The following GPC6 variants were observed in gnomAD, a reference collection of about 807,000 sequenced individuals.
The protein encoded by GPC6 is glypican-6.
GPC6 carries 14 observed loss-of-function variants against 55.2 expected under a neutral mutation model. The ratio of observed to expected loss-of-function variants is 0.25; its 90% confidence interval spans 0.17 to 0.40. GPC6 has a LOEUF of 0.40. Ranked by LOEUF, GPC6 falls within the 10% of genes least tolerant of loss-of-function variation. The pLI, the probability that GPC6 is intolerant of heterozygous loss-of-function variation, is 1.00. For synonymous variants in GPC6, 278 were observed against 259.6 expected (o/e 1.07, Z -0.68); for missense variants, 641 against 708.5 (o/e 0.90, Z 1.08).
intron 3 of GPC6, among the ~76,000 whole-genome samples, chr13:93,881,543 A>T (rs1163419784): frequency 4.6e-5 from 7 of 152,006 alleles, no homozygotes; most frequent in Non-Finnish European, 8.8e-5. Context: ...CTGGACAATG[A>T]TTACTTGGAG....
upstream of GPC6, among the ~76,000 whole-genome samples, chr13:93,223,160 A>G (rs1320285200): frequency 2.6e-5 from 4 of 151,404 alleles, no homozygotes; most frequent in Non-Finnish European, 5.9e-5. Flanking sequence ...TGACATAATC[A>G]GTCTTAGAGA....
chr13:93,582,678 A>T (rs550296218), intron 2 of GPC6, among the ~76,000 whole-genome samples: 1 of 152,300 alleles, frequency 6.6e-6, no homozygotes, highest in African/African-American at 2.4e-5. Flanking sequence ...TGGATTGAGA[A>T]TGCTGGTATT....
intron 4 of GPC6, among the ~76,000 whole-genome samples, chr13:94,147,186 C>T (rs1247449832): frequency 6.6e-6 from 1 of 152,016 alleles, no homozygotes; most frequent in African/African-American, 2.4e-5. Flanking sequence ...ATAATTTCCC[C>T]CTCTTAGCCT....
At chr13:93,571,937 A>G (rs1397938110) in intron 2 of GPC6, among the ~76,000 whole-genome samples, 6 of 151,674 alleles carry the variant, frequency 4.0e-5, no homozygotes, top group African/African-American at 1.2e-4. Flanking sequence ...AAATGATTTC[A>G]TATTTTAAAA....
intron 4 of GPC6, among the ~76,000 whole-genome samples, chr13:94,050,634 G>T (rs1228244933): frequency 2.0e-5 from 3 of 152,160 alleles, no homozygotes; most frequent in Non-Finnish European, 4.4e-5. Context: ...ACTTCTGGGT[G>T]ACCTCCTGGC....
At chr13:93,886,311 G>A (rs1419940573) in intron 3 of GPC6, among the ~76,000 whole-genome samples, 1 of 151,972 alleles carries the variant, frequency 6.6e-6, no homozygotes, top group Non-Finnish European at 1.5e-5. Context: ...TAGGATACTA[G>A]GAACTTAGAA....
In GPC6 at chr13:93,731,585, A is replaced by T. The variant is rs563342701; in HGVS notation, c.320-98569A>T. 3.3e-5 allele frequency among the ~76,000 whole-genome samples: 5 copies of T among 152,296 alleles called. No homozygotes were observed. In the South Asian group the frequency reaches 8.3e-4, roughly 25 times the overall value. On this transcript the variant is annotated intron_variant, in intron 2 of 8. Transcript: ENST00000377047. Reference sequence around the variant, plus strand: ...TATATCAAATGTATTGTATATACTAAGGATAGTTACTAAAGTATTCACTTT... The same window carrying T: ...TATATCAAATGTATTGTATATACTATGGATAGTTACTAAAGTATTCACTTT...
At chr13:93,768,502 C>T (rs1885192154) in intron 2 of GPC6, among the ~76,000 whole-genome samples, 1 of 152,104 alleles carries the variant, frequency 6.6e-6, no homozygotes, top group Non-Finnish European at 1.5e-5. Context: ...CTGACACATA[C>T]CGGCCACTCG....
chr13:94,378,280 G>A (rs965429029), intron 6 of GPC6, among the ~76,000 whole-genome samples: 5 of 152,010 alleles, frequency 3.3e-5, no homozygotes, highest in African/African-American at 1.2e-4. Flanking sequence ...TTCCTCTATT[G>A]CCAGTATTTC....
intron 5 of GPC6, among the ~76,000 whole-genome samples, chr13:94,304,054 C>T: frequency 6.6e-6 from 1 of 152,188 alleles, no homozygotes; most frequent in East Asian, 1.9e-4. Context: ...CTCAACAGAT[C>T]CCTGGAGCTT....
At chr13:93,510,971 G>GTATATATATATA (rs1555306602) in intron 1 of GPC6, among the ~76,000 whole-genome samples, 7 of 69,806 alleles carry the variant, frequency 1.0e-4, no homozygotes, top group South Asian at 5.6e-4. Context: ...ATATATATAT[G>GTATATATATATA]TGTATATATA....
chr13:93,346,481 G>T (rs1880435021), intron 1 of GPC6, among the ~76,000 whole-genome samples: 1 of 152,132 alleles, frequency 6.6e-6, no homozygotes, highest in South Asian at 2.1e-4. Flanking sequence ...ATATTTACCT[G>T]ATCTGTAAGT....
intron 3 of GPC6, among the ~76,000 whole-genome samples, chr13:93,928,810 C>A (rs1191528075): frequency 2.0e-5 from 3 of 150,756 alleles, no homozygotes; most frequent in African/African-American, 7.3e-5. Context: ...GGGTTCTCTT[C>A]ATTCAAATAT....
chr13:94,224,914 C>G (rs1237538602), intron 4 of GPC6, among the ~76,000 whole-genome samples: 1 of 152,118 alleles, frequency 6.6e-6, no homozygotes, highest in Non-Finnish European at 1.5e-5. Flanking sequence ...CAGGACCGTA[C>G]TGGTAAAGGC....
chr13:93,946,463 T>A (rs1879016165), intron 3 of GPC6, among the ~76,000 whole-genome samples: 1 of 152,160 alleles, frequency 6.6e-6, no homozygotes, highest in Non-Finnish European at 1.5e-5. Flanking sequence ...CTTACTTAAT[T>A]CAAAATTTAC....
chr13:94,371,381 T>A (rs903126866), intron 6 of GPC6, among the ~76,000 whole-genome samples: 1 of 152,088 alleles, frequency 6.6e-6, no homozygotes, highest in Non-Finnish European at 1.5e-5. Flanking sequence ...AAAACCATAG[T>A]TATCAACTAT....
intron 4 of GPC6, among the ~76,000 whole-genome samples, chr13:94,127,994 C>G (rs945575025): frequency 6.6e-6 from 1 of 152,252 alleles, no homozygotes; most frequent in South Asian, 2.1e-4. Flanking sequence ...CAATGTTATA[C>G]AGTCCACAGT....
intron 3 of GPC6, among the ~76,000 whole-genome samples, chr13:93,877,239 A>G (rs1004223627): frequency 3.3e-5 from 5 of 152,056 alleles, no homozygotes; most frequent in African/African-American, 1.2e-4. Flanking sequence ...ACATATGGAT[A>G]CGGCCTATTT....
intron 1 of GPC6, among the ~76,000 whole-genome samples, chr13:93,277,091 T>C (rs1038395808): frequency 2.0e-5 from 3 of 152,188 alleles, no homozygotes; most frequent in Non-Finnish European, 4.4e-5. Flanking sequence ...ATTGTCTCCC[T>C]GTTACATTTC....
Sources: allele counts gnomAD v4.1 joint callset (sites outside exome capture counted in the v4.1 genomes callset), GRCh38; gene constraint gnomAD v4.1.1; transcripts MANE v1.5; gene names NCBI Gene and HGNC (gene_info 2026-07-23, HGNC 2026-07-21).